MAP2K1: variants seen among roughly 807,000 people sequenced by gnomAD.
MAP2K1 encodes dual specificity mitogen-activated protein kinase kinase 1.
A neutral mutation model predicts 46.3 loss-of-function variants in MAP2K1; 16 were observed. The ratio of observed to expected loss-of-function variants is 0.35; its 90% CI spans 0.23 to 0.52. The LOEUF (loss-of-function observed/expected upper bound fraction) is 0.52, where lower values mean the gene tolerates loss of function less well. Among genes scored for constraint, MAP2K1 ranks in the 20% least tolerant of loss-of-function variants. The pLI is 0.94. For missense variants in MAP2K1, 263 were observed against 497.1 expected (o/e 0.53, Z 4.48); for synonymous variants, 183 against 185.6 (o/e 0.99, Z 0.11).
intron 10 of MAP2K1, 70 bp from the exon 11 acceptor site, chr15:66,490,432 T>C (rs776728171): frequency 8.7e-7 from 1 of 1,150,010 alleles, no homozygotes; most frequent in African/African-American, 1.5e-5. Flanking sequence ...ACTCTTGGAT[T>C]TTCCTTCCTG....
intron 1 of MAP2K1, among the ~76,000 whole-genome samples, chr15:66,397,839 C>CA (rs1566995223): frequency 6.6e-6 from 1 of 152,230 alleles, no homozygotes; most frequent in African/African-American, 2.4e-5. Flanking sequence ...TGCGGTGGCT[C>CA]ACGCCTGTAA....
chr15:66,414,795 TTC>T, intron 1 of MAP2K1: 2 of 240,158 alleles, frequency 8.3e-6, no homozygotes, highest in Non-Finnish European at 8.2e-6. Context: ...TTTTTTTTTT[TTC>T]CCCCAGTCAT....
chr15:66,442,951 A>G (rs1463854277), intron 3 of MAP2K1, among the ~76,000 whole-genome samples: 1 of 152,208 alleles, frequency 6.6e-6, no homozygotes, highest in Non-Finnish European at 1.5e-5. Flanking sequence ...AGAGACACAT[A>G]GGACAAGGTA....
Position 66,489,714 on chromosome 15 carries a change from T to A in MAP2K1, c.1023-4T>A, listed in dbSNP as rs1462240441. The A allele has an allele frequency of 1.4e-5, 23 of 1,612,866 alleles. No homozygotes were observed. Among genetic ancestry groups the A allele is most frequent in the South Asian group, 4.4e-5 (4 of 91,062 alleles). On this transcript the variant is annotated splice_region_variant and splice_polypyrimidine_tract_variant and intron_variant, in intron 9 of 10. Transcript: ENST00000307102. ...AGCTCTTACCTTGTCTTTCTTCCTT[T>A]AAGCTTAATAAAAAACCCCGCAGAG...
At chr15:66,448,460 A>G (rs1891938866) in intron 5 of MAP2K1, among the ~76,000 whole-genome samples, 1 of 152,190 alleles carries the variant, frequency 6.6e-6, no homozygotes, top group African/African-American at 2.4e-5. Flanking sequence ...CTGTGTAGAA[A>G]GAGGAGTAAT....
chr15:66,488,134 T>C (rs563647067), intron 8 of MAP2K1, among the ~76,000 whole-genome samples: 103 of 152,308 alleles, frequency 6.8e-4, no homozygotes, highest in African/African-American at 2.4e-3. Flanking sequence ...CAGCCTCTGC[T>C]GGCACACAGC....
chr15:66,399,585 C>T (rs1170254296), intron 1 of MAP2K1, among the ~76,000 whole-genome samples: 1 of 151,982 alleles, frequency 6.6e-6, no homozygotes, highest in African/African-American at 2.4e-5. Flanking sequence ...CTTCCCAGTA[C>T]CCGGGACTAT....
At chr15:66,466,002 CT>C (rs1005271904) in intron 5 of MAP2K1, among the ~76,000 whole-genome samples, 1 of 152,184 alleles carries the variant, frequency 6.6e-6, no homozygotes, top group Non-Finnish European at 1.5e-5. Context: ...GTGAATTCCT[CT>C]CCTCTTGATG....
At chr15:66,454,815 G>T (rs188637793) in intron 5 of MAP2K1, among the ~76,000 whole-genome samples, 83 of 152,096 alleles carry the variant, frequency 5.5e-4, no homozygotes, top group Non-Finnish European at 9.7e-4. Context: ...CCCAGGAGGC[G>T]GAGGTTGCAA....
chr15:66,421,473 G>C (rs1011542721), intron 1 of MAP2K1, among the ~76,000 whole-genome samples: 5 of 151,170 alleles, frequency 3.3e-5, no homozygotes, highest in African/African-American at 1.2e-4. Context: ...TGCTAACTGC[G>C]AGTTAATGGT....
chr15:66,411,282 C>CT (rs1234830276), intron 1 of MAP2K1, among the ~76,000 whole-genome samples: 1 of 152,020 alleles, frequency 6.6e-6, no homozygotes, highest in Admixed American at 6.6e-5. Context: ...TTGTAAATGA[C>CT]TATGGTAGGT....
At chr15:66,411,662 T>A (rs2093411519) in intron 1 of MAP2K1, among the ~76,000 whole-genome samples, 1 of 152,204 alleles carries the variant, frequency 6.6e-6, no homozygotes, top group East Asian at 1.9e-4. Flanking sequence ...GTTTTCTAAT[T>A]TTGATCATTG....
intron 1 of MAP2K1, among the ~76,000 whole-genome samples, chr15:66,427,735 G>T (rs1347296644): frequency 6.6e-6 from 1 of 151,936 alleles, no homozygotes. Flanking sequence ...AACCTCTCTG[G>T]CCAGGCATGG....
At chr15:66,483,456 C>A (rs1011915060) in intron 6 of MAP2K1, among the ~76,000 whole-genome samples, 2 of 152,174 alleles carry the variant, frequency 1.3e-5, no homozygotes, top group Admixed American at 6.5e-5. Flanking sequence ...CTGGGAGTTA[C>A]TAATCAAGGG....
At chr15:66,428,340 G>A (rs2093465384) in intron 1 of MAP2K1, among the ~76,000 whole-genome samples, 1 of 141,012 alleles carries the variant, frequency 7.1e-6, no homozygotes. Context: ...GAGGGTTATT[G>A]ATGTTTATTT....
chr15:66,391,639 C>G (rs1412288874), intron 1 of MAP2K1, among the ~76,000 whole-genome samples: 1 of 152,182 alleles, frequency 6.6e-6, no homozygotes, highest in Non-Finnish European at 1.5e-5. Flanking sequence ...ATAATAGGTC[C>G]ATAGATGTTT....
chr15:66,478,392 A>ATG (rs71142304), intron 5 of MAP2K1, among the ~76,000 whole-genome samples: 12,113 of 127,124 alleles, frequency 0.095, 1,864 homozygotes, highest in African/African-American at 0.31. Flanking sequence ...ATACACAGAT[A>ATG]TGTGTGTGTA....
intron 5 of MAP2K1, among the ~76,000 whole-genome samples, chr15:66,477,935 G>A (rs1394125769): frequency 2.6e-5 from 4 of 152,056 alleles, no homozygotes; most frequent in Admixed American, 6.6e-5. Context: ...ACCCAACACC[G>A]GTCCTCTGAG....
intron 1 of MAP2K1, among the ~76,000 whole-genome samples, chr15:66,407,837 G>A (rs1202260403): frequency 1.3e-5 from 2 of 152,190 alleles, no homozygotes; most frequent in Admixed American, 6.5e-5. Flanking sequence ...GCAAGACTTC[G>A]TCTGTTAAAA....
Sources: gnomAD v4.1 joint callset for allele counts (sites outside exome capture counted in the v4.1 genomes callset) on GRCh38, gnomAD v4.1.1 for gene constraint, MANE v1.5 for transcripts, NCBI Gene and HGNC (gene_info 2026-07-23, HGNC 2026-07-21) for gene names.